ESR1: variants seen among roughly 807,000 people sequenced by gnomAD.
ESR1 encodes estrogen receptor.
In ESR1, 12 loss-of-function variants were observed where a neutral mutation model predicts 52.7. The ratio of observed to expected loss-of-function variants is 0.23; its 90% confidence interval spans 0.15 to 0.37. ESR1 has a LOEUF of 0.37. Among genes scored for constraint, ESR1 ranks in the 10% least tolerant of loss-of-function variants. The pLI, the probability that ESR1 is intolerant of heterozygous loss-of-function variation, is 1.00. For missense variants in ESR1, 584 were observed against 779.7 expected, an observed-to-expected ratio of 0.75 and a Z score of 2.99; for synonymous variants, 305 against 316.8, an observed-to-expected ratio of 0.96 and a Z score of 0.39.
chr6:151,728,553 G>A (rs1021040852), intron 2 of ESR1, among the ~76,000 whole-genome samples: 2 of 152,126 alleles, frequency 1.3e-5, no homozygotes, highest in African/African-American at 4.8e-5. Flanking sequence ...GCTTTGTGGA[G>A]GTATAGCTGA....
chr6:151,884,133 T>C (rs1436929717), intron 3 of ESR1, among the ~76,000 whole-genome samples: 2 of 152,204 alleles, frequency 1.3e-5, no homozygotes, highest in Non-Finnish European at 2.9e-5. Flanking sequence ...TGTACATAAG[T>C]TTTAAATGAA....
At chr6:151,723,149 C>G (rs1369989954) in intron 2 of ESR1, among the ~76,000 whole-genome samples, 1 of 151,818 alleles carries the variant, frequency 6.6e-6, no homozygotes, top group Non-Finnish European at 1.5e-5. Context: ...CCTGTCCTCA[C>G]AAGTGGGAGC....
chr6:151,717,090 G>A (rs796690528), intron 2 of ESR1, among the ~76,000 whole-genome samples: 37 of 152,296 alleles, frequency 2.4e-4, no homozygotes, highest in African/African-American at 8.9e-4. Flanking sequence ...GTCCCTCAGG[G>A]CTTCCCTTGG....
chr6:151,700,280 T>C (rs564726435), intron 1 of ESR1, among the ~76,000 whole-genome samples: 130 of 152,300 alleles, frequency 8.5e-4, no homozygotes, highest in Admixed American at 3.5e-3. Context: ...TTTTATAGTT[T>C]AGTTGAGTGT....
intron 2 of ESR1, among the ~76,000 whole-genome samples, chr6:151,848,569 A>G (rs1296865007): frequency 6.6e-6 from 1 of 151,688 alleles, no homozygotes; most frequent in Non-Finnish European, 1.5e-5. Context: ...TGGTTCTTAC[A>G]TTTATTTTCA....
chr6:152,006,495 G>A (rs2042344565), intron 4 of ESR1, among the ~76,000 whole-genome samples: 1 of 151,956 alleles, frequency 6.6e-6, no homozygotes, highest in East Asian at 1.9e-4. Flanking sequence ...CGCAAAATAT[G>A]GGACGTGAAG....
intron 4 of ESR1, among the ~76,000 whole-genome samples, chr6:151,949,026 C>A (rs188250786): frequency 6.6e-6 from 1 of 152,132 alleles, no homozygotes; most frequent in Non-Finnish European, 1.5e-5. Context: ...CTCAATTTTC[C>A]CATAAACTAG....
intron 2 of ESR1, among the ~76,000 whole-genome samples, chr6:151,723,233 G>A (rs995678596): frequency 2.0e-5 from 3 of 152,054 alleles, no homozygotes; most frequent in Non-Finnish European, 4.4e-5. Flanking sequence ...GGGGTGGGAG[G>A]GGAAGAGGGA....
Position 151,842,793 on chromosome 6 carries a change from A to C in ESR1, c.643+6A>C, listed in dbSNP as rs564461683. ...CTTCAAGAGAAGTATTCAAGGTAAT[A>C]GTGTGTTGAAAACGACTTCTATTTT... On this transcript the variant is annotated splice_donor_region_variant and intron_variant, in intron 2 of 7. Coordinates refer to ENST00000206249, the MANE Select transcript of ESR1 (RefSeq NM_000125.4). The C allele has an allele frequency of 6.2e-7, 1 of 1,612,492 alleles. No individual in the cohort carries two copies.
intron 2 of ESR1, among the ~76,000 whole-genome samples, chr6:151,772,030 C>A (rs1401248136): frequency 1.3e-5 from 2 of 152,222 alleles, no homozygotes; most frequent in Non-Finnish European, 2.9e-5. Context: ...AACAGCTCAA[C>A]CTTCCCACCT....
intron 4 of ESR1, among the ~76,000 whole-genome samples, chr6:151,967,330 G>A (rs1297373098): frequency 2.0e-5 from 3 of 151,872 alleles, no homozygotes; most frequent in Non-Finnish European, 2.9e-5. Flanking sequence ...GCTATCCTTC[G>A]CCTAGCCCCT....
intron 5 of ESR1, among the ~76,000 whole-genome samples, chr6:152,020,263 T>C (rs997535421): frequency 2.6e-5 from 4 of 152,188 alleles, no homozygotes; most frequent in Non-Finnish European, 4.4e-5. Context: ...GTAATATATA[T>C]AACTCTAAAA....
At chr6:151,728,792 T>C (rs530640155) in intron 2 of ESR1, among the ~76,000 whole-genome samples, 14 of 152,286 alleles carry the variant, frequency 9.2e-5, no homozygotes, top group South Asian at 4.1e-4. Flanking sequence ...GAAAACACCA[T>C]AGAAAAAGAC....
chr6:151,746,871 G>A (rs1052703788), intron 2 of ESR1, among the ~76,000 whole-genome samples: 2 of 152,200 alleles, frequency 1.3e-5, no homozygotes, highest in African/African-American at 4.8e-5. Flanking sequence ...GCTTCTCACA[G>A]CACCAGATTT....
At chr6:151,869,223 A>G (rs543557988) in intron 2 of ESR1, among the ~76,000 whole-genome samples, 2 of 152,196 alleles carry the variant, frequency 1.3e-5, no homozygotes, top group African/African-American at 2.4e-5. Context: ...TTAGATTTCA[A>G]ATGAGTACAA....
intron 4 of ESR1, among the ~76,000 whole-genome samples, chr6:151,973,736 C>T (rs544792988): frequency 1.2e-4 from 19 of 152,246 alleles, no homozygotes; most frequent in Admixed American, 1.2e-3. Flanking sequence ...AGTATGAATG[C>T]CACCTTGATA....
intron 4 of ESR1, among the ~76,000 whole-genome samples, chr6:151,959,395 A>G (rs532472109): frequency 6.6e-6 from 1 of 152,270 alleles, no homozygotes; most frequent in East Asian, 1.9e-4. Flanking sequence ...TTATTTTCTC[A>G]TGAGCTTTTA....
intron 1 of ESR1, among the ~76,000 whole-genome samples, chr6:151,822,992 C>A (rs148759043): frequency 2.0e-5 from 3 of 152,192 alleles, no homozygotes; most frequent in Non-Finnish European, 4.4e-5. Context: ...ATCTCTGCTG[C>A]CTTCTCTTAG....
chr6:152,018,874 T>G (rs1357142730), intron 5 of ESR1, among the ~76,000 whole-genome samples: 3 of 152,186 alleles, frequency 2.0e-5, no homozygotes, highest in African/African-American at 7.2e-5. Context: ...CTTAACTGCT[T>G]TAATGTATAG....
Sources: gnomAD v4.1 joint callset for allele counts (sites outside exome capture counted in the v4.1 genomes callset) on GRCh38, gnomAD v4.1.1 for gene constraint, MANE v1.5 for transcripts, NCBI Gene and HGNC (gene_info 2026-07-23, HGNC 2026-07-21) for gene names.